The following INPP4B variants were observed in gnomAD, a reference collection of about 807,000 sequenced individuals.
The protein encoded by INPP4B is inositol polyphosphate 4-phosphatase type II.
A neutral mutation model predicts 122.5 loss-of-function variants in INPP4B; 55 were observed. The observed-to-expected ratio is 0.45, with a 90% CI of 0.36 to 0.56. The LOEUF is 0.56. Among genes scored for constraint, INPP4B ranks in the 20% least tolerant of loss-of-function variants. The pLI is 0.00. For missense variants in INPP4B, 1,000 were observed against 1,097.7 expected, an observed-to-expected ratio of 0.91 and a Z score of 1.26; for synonymous variants, 403 against 388.7, an observed-to-expected ratio of 1.04 and a Z score of -0.43.
At chr4:142,180,259 G>GA (rs1298034755) in intron 15 of INPP4B, among the ~76,000 whole-genome samples, 1 of 151,398 alleles carries the variant, frequency 6.6e-6, no homozygotes, top group Non-Finnish European at 1.5e-5. Flanking sequence ...ATTTCTTTTA[G>GA]AAAAAACAAA....
intron 22 of INPP4B, among the ~76,000 whole-genome samples, chr4:142,109,522 A>G (rs1046059108): frequency 1.3e-5 from 2 of 152,094 alleles, no homozygotes; most frequent in African/African-American, 4.8e-5. Flanking sequence ...TCTTGTGGGA[A>G]TGTAGTTACA....
At chr4:142,469,993 A>G (rs1006773717) in intron 2 of INPP4B, among the ~76,000 whole-genome samples, 1 of 152,114 alleles carries the variant, frequency 6.6e-6, no homozygotes, top group Non-Finnish European at 1.5e-5. Context: ...TTAGACAGGG[A>G]TATAAATTCC....
At chr4:142,323,443 CTTTTTT>C (rs144904107) in intron 7 of INPP4B, among the ~76,000 whole-genome samples, 1 of 120,044 alleles carries the variant, frequency 8.3e-6, no homozygotes, top group Admixed American at 9.2e-5. Flanking sequence ...GTTATGATGA[CTTTTTT>C]TTTTTTTTTT....
At chr4:142,307,435 G>T (rs1450788523) in intron 8 of INPP4B, among the ~76,000 whole-genome samples, 1 of 152,064 alleles carries the variant, frequency 6.6e-6, no homozygotes, top group Admixed American at 6.6e-5. Context: ...GCTTTCTTTT[G>T]TTTGCTGATA....
intron 25 of INPP4B, among the ~76,000 whole-genome samples, chr4:142,070,188 AAATT>A (rs1473448418): frequency 9.2e-5 from 14 of 152,208 alleles, no homozygotes; most frequent in Non-Finnish European, 1.8e-4. Context: ...CAACATACGC[AAATT>A]AATAAATGTA....
At chr4:142,081,950 A>G in intron 25 of INPP4B, 81 bp downstream of exon 25, 1 of 1,005,710 alleles carries the variant, frequency 9.9e-7, no homozygotes, top group African/African-American at 1.6e-5. Flanking sequence ...GTCCTCCAAT[A>G]AAATATGTAT....
chr4:142,801,869 G>C (rs1450576910), intron 1 of INPP4B, among the ~76,000 whole-genome samples: 1 of 151,884 alleles, frequency 6.6e-6, no homozygotes, highest in Non-Finnish European at 1.5e-5. Context: ...GTCCTGTCGA[G>C]TTTTTTTTGT....
intron 5 of INPP4B, among the ~76,000 whole-genome samples, chr4:142,420,105 A>T (rs187286643): frequency 5.3e-5 from 8 of 151,940 alleles, no homozygotes; most frequent in Admixed American, 1.3e-4. Flanking sequence ...AAGACAAATT[A>T]AAAAAAAGTA....
At chr4:142,416,045 C>T (rs1805688031) in intron 5 of INPP4B, among the ~76,000 whole-genome samples, 1 of 151,878 alleles carries the variant, frequency 6.6e-6, no homozygotes, top group Non-Finnish European at 1.5e-5. Context: ...GGAGATATAC[C>T]TAATGCTAAA....
intron 11 of INPP4B, among the ~76,000 whole-genome samples, chr4:142,250,794 G>A (rs1731593119): frequency 6.6e-6 from 1 of 152,070 alleles, no homozygotes; most frequent in Admixed American, 6.6e-5. Context: ...CCTCCAGGCT[G>A]ACTGGACTAC....
At chr4:142,109,229 A>C (rs1001959271) in intron 22 of INPP4B, among the ~76,000 whole-genome samples, 1 of 152,028 alleles carries the variant, frequency 6.6e-6, no homozygotes, top group Non-Finnish European at 1.5e-5. Flanking sequence ...CAAATACCAC[A>C]GAACTATGCC....
intron 2 of INPP4B, among the ~76,000 whole-genome samples, chr4:142,562,910 T>A (rs1412039126): frequency 2.0e-5 from 3 of 152,114 alleles, no homozygotes; most frequent in Non-Finnish European, 4.4e-5. Flanking sequence ...TTTCCCAGAA[T>A]GACTGTGGAA....
At chr4:142,234,613 A>G (rs970327356) in intron 12 of INPP4B, among the ~76,000 whole-genome samples, 4 of 152,310 alleles carry the variant, frequency 2.6e-5, no homozygotes, top group Middle Eastern at 3.4e-3. Context: ...AATTCTAATG[A>G]TAGGAGATTT....
intron 2 of INPP4B, among the ~76,000 whole-genome samples, chr4:142,505,251 AAAAAG>A (rs1169741020): frequency 6.6e-6 from 1 of 151,926 alleles, no homozygotes; most frequent in Admixed American, 6.6e-5. Context: ...AAAAAAAAAA[AAAAAG>A]AAAACTGTGC....
intron 5 of INPP4B, among the ~76,000 whole-genome samples, chr4:142,411,453 AC>A (rs1804573038): frequency 6.6e-6 from 1 of 152,218 alleles, no homozygotes; most frequent in South Asian, 2.1e-4. Flanking sequence ...ATAGAAGCAT[AC>A]CTTCGAATCT....
chr4:142,530,145 T>C (rs950554600), intron 2 of INPP4B, among the ~76,000 whole-genome samples: 1 of 152,080 alleles, frequency 6.6e-6, no homozygotes, highest in African/African-American at 2.4e-5. Context: ...GGTCTGAAAG[T>C]ACATTAGTTT....
At chr4:142,126,875 C>T (rs1309260507) in intron 18 of INPP4B, among the ~76,000 whole-genome samples, 1 of 152,042 alleles carries the variant, frequency 6.6e-6, no homozygotes. Flanking sequence ...CTCCTGTTCT[C>T]TCCCTTTATT....
intron 2 of INPP4B, among the ~76,000 whole-genome samples, chr4:142,539,543 C>T (rs1460517294): frequency 6.6e-6 from 1 of 151,932 alleles, no homozygotes; most frequent in Non-Finnish European, 1.5e-5. Flanking sequence ...CTTCCTTTTG[C>T]CTTAGTTTAT....
intron 8 of INPP4B, among the ~76,000 whole-genome samples, chr4:142,313,598 T>C (rs1250444393): frequency 6.6e-6 from 1 of 152,266 alleles, no homozygotes; most frequent in Non-Finnish European, 1.5e-5. Context: ...TGTGGAGGTC[T>C]GAAGCTGGGG....
Sources: gnomAD v4.1 joint callset for allele counts (sites outside exome capture counted in the v4.1 genomes callset) on GRCh38, gnomAD v4.1.1 for gene constraint, MANE v1.5 for transcripts, NCBI Gene and HGNC (gene_info 2026-07-23, HGNC 2026-07-21) for gene names.